EXOC4: variants seen among roughly 807,000 people sequenced by gnomAD.
EXOC4 encodes exocyst complex component 4.
A neutral mutation model predicts 107.2 loss-of-function variants in EXOC4; 71 were observed. The ratio of observed to expected loss-of-function variants is 0.66; its 90% CI spans 0.55 to 0.81. The LOEUF (loss-of-function observed/expected upper bound fraction) is 0.81, where lower values mean the gene tolerates loss of function less well. Among genes scored for constraint, EXOC4 ranks in the 30% least tolerant of loss-of-function variants. The pLI, the probability that EXOC4 is intolerant of heterozygous loss-of-function variation, is 0.00. For synonymous variants in EXOC4, 456 were observed against 441.2 expected (o/e 1.03, Z -0.42); for missense variants, 1,108 against 1,189.6 (o/e 0.93, Z 1.01).
intron 4 of EXOC4, among the ~76,000 whole-genome samples, chr7:133,316,483 C>G (rs1794994046): frequency 6.6e-6 from 1 of 152,136 alleles, no homozygotes; most frequent in South Asian, 2.1e-4. Flanking sequence ...GAGAGCAGGG[C>G]ATAGGGTTTA....
chr7:133,868,637 G>A (rs574695100), intron 11 of EXOC4, among the ~76,000 whole-genome samples: 12 of 152,156 alleles, frequency 7.9e-5, no homozygotes, highest in South Asian at 4.2e-4. Flanking sequence ...TGGGGCTGTC[G>A]GGAATTCAAA....
chr7:133,356,706 C>T lies in EXOC4; in HGVS notation c.1007+133C>T, dbSNP rs114179172. 4.2e-5 allele frequency: 44 copies of T among 1,044,482 alleles called. No homozygotes were observed. In the East Asian group the frequency reaches 9.1e-4, roughly 22 times the overall value. The allele number at this position is 1,044,482 out of a possible 1,614,324, so 64.7% of individuals were successfully genotyped here. A position where few individuals can be genotyped will look rare whatever the true frequency, so the allele number is the denominator to read the frequency against. On this transcript the variant is annotated intron_variant, in intron 6 of 17. Coordinates refer to ENST00000253861, the MANE Select transcript of EXOC4 (RefSeq NM_021807.4). Reference sequence around the variant, plus strand: ...GATACTATAGCCCATACAGGCCAGGCGCAGTGGCTCACGCCTGTTATCCCA... The same window carrying T: ...GATACTATAGCCCATACAGGCCAGGTGCAGTGGCTCACGCCTGTTATCCCA...
chr7:133,875,353 A>G (rs1432776937), intron 11 of EXOC4, among the ~76,000 whole-genome samples: 3 of 152,204 alleles, frequency 2.0e-5, no homozygotes, highest in Non-Finnish European at 4.4e-5. Flanking sequence ...AATTTCAGAA[A>G]GATAAGTTTG....
At chr7:133,414,121 C>G (rs1464692509) in intron 7 of EXOC4, among the ~76,000 whole-genome samples, 1 of 152,046 alleles carries the variant, frequency 6.6e-6, no homozygotes, top group East Asian at 1.9e-4. Flanking sequence ...AGAAGTCATA[C>G]AATTCAATAA....
At chr7:133,574,185 G>T (rs946878839) in intron 9 of EXOC4, among the ~76,000 whole-genome samples, 2 of 152,134 alleles carry the variant, frequency 1.3e-5, no homozygotes, top group Non-Finnish European at 2.9e-5. Context: ...CTTGAAAAGA[G>T]AGTGTGTGTG....
intron 1 of EXOC4, among the ~76,000 whole-genome samples, chr7:133,274,062 T>C (rs1005546857): frequency 6.6e-5 from 10 of 152,346 alleles, no homozygotes; most frequent in Admixed American, 2.0e-4. Context: ...CTGTGGTCCA[T>C]GTATCAAACG....
At chr7:133,955,514 T>C (rs961373299) in intron 14 of EXOC4, among the ~76,000 whole-genome samples, 1 of 152,146 alleles carries the variant, frequency 6.6e-6, no homozygotes, top group Non-Finnish European at 1.5e-5. Flanking sequence ...TGTGTGTTGA[T>C]TGGTCCATGG....
chr7:133,463,874 A>G (rs1798653884), intron 7 of EXOC4, among the ~76,000 whole-genome samples: 1 of 152,180 alleles, frequency 6.6e-6, no homozygotes, highest in Non-Finnish European at 1.5e-5. Context: ...CCATTCATTC[A>G]CTCACTTACA....
chr7:133,925,418 A>G (rs891335820), intron 13 of EXOC4, among the ~76,000 whole-genome samples: 1 of 152,176 alleles, frequency 6.6e-6, no homozygotes, highest in Non-Finnish European at 1.5e-5. Context: ...TGCCATATAT[A>G]TGTATATATT....
chr7:133,896,402 A>C (rs1245106880), intron 12 of EXOC4, among the ~76,000 whole-genome samples: 2 of 152,234 alleles, frequency 1.3e-5, no homozygotes, highest in Non-Finnish European at 2.9e-5. Context: ...GTATAATAAA[A>C]TACTAAATTA....
At chr7:133,787,955 T>TTTTATA (rs774395151) in intron 10 of EXOC4, among the ~76,000 whole-genome samples, 1,164 of 31,524 alleles carry the variant, frequency 0.037, 331 homozygotes, top group Admixed American at 0.055. Flanking sequence ...GTGCATATAT[T>TTTTATA]TATATATTTA....
At chr7:133,779,000 T>A (rs1318096174) in intron 10 of EXOC4, among the ~76,000 whole-genome samples, 1 of 152,194 alleles carries the variant, frequency 6.6e-6, no homozygotes, top group Admixed American at 6.5e-5. Flanking sequence ...TCCTCAAACA[T>A]CCTTATGATC....
chr7:133,595,079 A>G (rs1179993225), intron 9 of EXOC4, among the ~76,000 whole-genome samples: 4 of 152,114 alleles, frequency 2.6e-5, no homozygotes, highest in Non-Finnish European at 5.9e-5. Flanking sequence ...CAAGGAAACC[A>G]GTGTGGATGG....
At chr7:133,527,773 A>G (rs1220394776) in intron 9 of EXOC4, among the ~76,000 whole-genome samples, 5 of 152,212 alleles carry the variant, frequency 3.3e-5, no homozygotes, top group Non-Finnish European at 7.3e-5. Context: ...ATGAAGCCCT[A>G]CAAAACAGTC....
At chr7:134,072,388 G>T in the EXOC4 span, among the ~76,000 whole-genome samples, 1 of 152,176 alleles carries the variant, frequency 6.6e-6, no homozygotes, top group Admixed American at 6.5e-5. Flanking sequence ...GCTGTTTGTG[G>T]TGGTGGTGGT....
chr7:133,713,316 C>T (rs1461049232), intron 10 of EXOC4, among the ~76,000 whole-genome samples: 2 of 152,050 alleles, frequency 1.3e-5, no homozygotes, highest in Admixed American at 1.3e-4. Flanking sequence ...TCATTCCTAC[C>T]AACTAGATTG....
chr7:134,004,839 C>A, intron 15 of EXOC4, 73 bp from the exon 16 acceptor site: 1 of 1,255,348 alleles, frequency 8.0e-7, no homozygotes, highest in Non-Finnish European at 1.1e-6. Flanking sequence ...TATTTTGGTG[C>A]TCTGTCCCAA....
intron 12 of EXOC4, among the ~76,000 whole-genome samples, chr7:133,900,286 CAG>C (rs1325943726): frequency 3.3e-5 from 5 of 152,044 alleles, no homozygotes; most frequent in Non-Finnish European, 1.5e-5. Flanking sequence ...TAATTCATGA[CAG>C]AAAATATGGC....
chr7:133,850,231 T>G (rs954947434), intron 11 of EXOC4, among the ~76,000 whole-genome samples: 2 of 152,226 alleles, frequency 1.3e-5, no homozygotes, highest in Non-Finnish European at 2.9e-5. Flanking sequence ...CTGACCAGAA[T>G]GTAGAATTAG....
Sources: allele counts gnomAD v4.1 joint callset (sites outside exome capture counted in the v4.1 genomes callset), GRCh38; gene constraint gnomAD v4.1.1; transcripts MANE v1.5; gene names NCBI Gene and HGNC (gene_info 2026-07-23, HGNC 2026-07-21).